Variants in NCOR2 observed in about 807,000 individuals in gnomAD.
NCOR2 encodes the protein CTG repeat protein 26.
Under a neutral mutation model 262.9 loss-of-function variants are expected in NCOR2, and 81 were observed. The ratio of observed to expected loss-of-function variants is 0.31; its 90% CI spans 0.26 to 0.37. The LOEUF (loss-of-function observed/expected upper bound fraction) is 0.37, where lower values mean the gene tolerates loss of function less well. NCOR2 is among the 10% of genes least tolerant of loss of function. The probability of loss-of-function intolerance (pLI) is 1.00; values close to 1 mark genes in which losing one functional copy is unlikely to be tolerated. For synonymous variants in NCOR2, 1,659 were observed against 1,559.3 expected, an observed-to-expected ratio of 1.06 and a Z score of -1.51; for missense variants, 3,385 against 3,621.4, an observed-to-expected ratio of 0.93 and a Z score of 1.68.
chr12:124,524,625 T>A (rs1428840314), intron 1 of NCOR2, among the ~76,000 whole-genome samples: 4 of 152,182 alleles, frequency 2.6e-5, no homozygotes, highest in Non-Finnish European at 4.4e-5. Context: ...CCCTGGCCAC[T>A]CTGAGGACCC....
chr12:124,346,884 GC>G, intron 30 of NCOR2, 34 bp from the exon 33 acceptor site: 2 of 1,489,396 alleles, frequency 1.3e-6, no homozygotes, highest in Admixed American at 2.2e-5. Flanking sequence ...CTCACGCCCC[GC>G]CCCACCCAGA....
chr12:124,525,915 G>A (rs1027844531), intron 1 of NCOR2, among the ~76,000 whole-genome samples: 10 of 152,214 alleles, frequency 6.6e-5, no homozygotes, highest in Non-Finnish European at 2.9e-5. Flanking sequence ...TAAGGCTGCT[G>A]CAAAGAGTAC....
chr12:124,344,875 C>T, exon 32 of NCOR2: 1 of 1,580,658 alleles, frequency 6.3e-7, no homozygotes, highest in Non-Finnish European at 8.6e-7. Context: ...CCGGCCGGGG[C>T]TGCCGATGAG....
intron 1 of NCOR2, among the ~76,000 whole-genome samples, chr12:124,492,182 G>A (rs1249536376): frequency 6.6e-6 from 1 of 152,228 alleles, no homozygotes; most frequent in Middle Eastern, 3.2e-3. Context: ...GTTCCCCAGG[G>A]GGAAGAGGCC....
intron 6 of NCOR2, among the ~76,000 whole-genome samples, chr12:124,455,919 A>C (rs1184110859): frequency 6.6e-6 from 1 of 152,216 alleles, no homozygotes; most frequent in African/African-American, 2.4e-5. Flanking sequence ...TCTACTGCCC[A>C]GGCTGGAGTG....
At chr12:124,476,395 A>T (rs1374951198) in intron 3 of NCOR2, among the ~76,000 whole-genome samples, 1 of 152,192 alleles carries the variant, frequency 6.6e-6, no homozygotes, top group Non-Finnish European at 1.5e-5. Context: ...GGCAAGAAAC[A>T]TCTCCGCTAT....
intron 11 of NCOR2, 56 bp downstream of exon 13, chr12:124,426,566 C>A: frequency 6.7e-7 from 1 of 1,498,216 alleles, no homozygotes; most frequent in Non-Finnish European, 9.0e-7. Flanking sequence ...CAGCGCAGGC[C>A]TCAACAGGAT....
At chr12:124,386,537 T>G (rs1489103719) in intron 16 of NCOR2, among the ~76,000 whole-genome samples, 1 of 152,142 alleles carries the variant, frequency 6.6e-6, no homozygotes. Context: ...CAGGCTTGGT[T>G]GCGCAGCTGG....
chr12:124,401,521 G>A (rs192957098), intron 14 of NCOR2, among the ~76,000 whole-genome samples: 23 of 152,374 alleles, frequency 1.5e-4, no homozygotes, highest in African/African-American at 4.8e-4. Context: ...GGCTCTATAA[G>A]AGGCAATACA....
At chr12:124,355,735 G>C (rs1027299360) in intron 23 of NCOR2, among the ~76,000 whole-genome samples, 164 bp from the exon 26 acceptor site, 3 of 152,082 alleles carry the variant, frequency 2.0e-5, no homozygotes, top group Non-Finnish European at 2.9e-5. Flanking sequence ...TTAGTGACCC[G>C]AGTCCTAGGT....
At chr12:124,396,884 T>C (rs1051611624) in intron 16 of NCOR2, among the ~76,000 whole-genome samples, 11 of 152,202 alleles carry the variant, frequency 7.2e-5, no homozygotes, top group South Asian at 2.1e-4. Flanking sequence ...GCGTTTGCTA[T>C]AAAGGGCCTT....
At chr12:124,420,579 C>T (rs1378117664) in intron 12 of NCOR2, among the ~76,000 whole-genome samples, 3 of 152,220 alleles carry the variant, frequency 2.0e-5, no homozygotes, top group Admixed American at 1.3e-4. Flanking sequence ...ACGCCCCACG[C>T]GCCTCTTCCT....
At chr12:124,563,359 G>T (rs1422657609) in intron 1 of NCOR2, among the ~76,000 whole-genome samples, 2 of 152,244 alleles carry the variant, frequency 1.3e-5, no homozygotes, top group Non-Finnish European at 2.9e-5. Flanking sequence ...GAAGTGTCCA[G>T]GCTCAGAAGC....
chr12:124,369,117 A>T (rs1483932170), intron 20 of NCOR2, among the ~76,000 whole-genome samples: 1 of 152,228 alleles, frequency 6.6e-6, no homozygotes, highest in East Asian at 1.9e-4. Context: ...CCCACCTTAC[A>T]GATGAGAAAA....
intron 19 of NCOR2, among the ~76,000 whole-genome samples, chr12:124,372,897 C>T (rs1461973325): frequency 1.3e-5 from 2 of 152,168 alleles, no homozygotes; most frequent in Non-Finnish European, 2.9e-5. Flanking sequence ...GTGGTCAGCA[C>T]CCCCGACAGA....
intron 1 of NCOR2, among the ~76,000 whole-genome samples, chr12:124,488,724 C>T (rs1284538302): frequency 1.3e-5 from 2 of 152,194 alleles, no homozygotes; most frequent in East Asian, 3.9e-4. Flanking sequence ...AAGCAGCAGG[C>T]CTCACAGTCT....
intron 1 of NCOR2, among the ~76,000 whole-genome samples, chr12:124,500,886 G>C (rs550033091): frequency 6.6e-6 from 1 of 152,152 alleles, no homozygotes; most frequent in Admixed American, 6.5e-5. Flanking sequence ...GCGCTCAGCC[G>C]CGGGCTGTGG....
intron 8 of NCOR2, among the ~76,000 whole-genome samples, chr12:124,433,870 ACAC>A (rs2044147735): frequency 3.1e-5 from 2 of 64,406 alleles, no homozygotes; most frequent in South Asian, 1.1e-3. Context: ...ACACACACAC[ACAC>A]ACACACACAC....
chr12:124,334,521 C>T (rs761207720), exon 41 of NCOR2: 60 of 1,438,252 alleles, frequency 4.2e-5, no homozygotes, highest in Middle Eastern at 2.3e-4. Flanking sequence ...AGGTCCAGGA[C>T]GGGGCAGCTG....
Sources: gnomAD v4.1 joint callset for allele counts (sites outside exome capture counted in the v4.1 genomes callset) on GRCh38, gnomAD v4.1.1 for gene constraint, MANE v1.5 for transcripts, NCBI Gene and HGNC (gene_info 2026-07-23, HGNC 2026-07-21) for gene names.